The following ZNF777 variants were observed in gnomAD, a reference collection of about 807,000 sequenced individuals.
ZNF777 encodes the protein zinc finger protein 777.
In ZNF777, 7 loss-of-function variants were observed where a neutral mutation model predicts 72.1. The ratio of observed to expected loss-of-function variants is 0.10; its 90% CI spans 0.06 to 0.18. The LOEUF (loss-of-function observed/expected upper bound fraction) is 0.18, where lower values mean the gene tolerates loss of function less well. ZNF777 is among the 10% of genes least tolerant of loss of function. The pLI is 1.00. For synonymous variants in ZNF777, 545 were observed against 483.5 expected, an observed-to-expected ratio of 1.13 and a Z score of -1.67; for missense variants, 828 against 1,128.6, an observed-to-expected ratio of 0.73 and a Z score of 3.82.
chr7:149,431,634 A>G lies in ZNF777; in HGVS notation c.*142T>C, dbSNP rs761781844. ...GTCTCACTGCCCCCATGTCCTTGGG[A>G]GGAGGGACGAGAGGAGAGGGGGAGC... On this transcript the variant is annotated 3_prime_UTR_variant, in exon 6 of 6. Transcript: ENST00000247930. The G allele has an allele frequency of 2.4e-6, 2 of 821,410 alleles. No homozygotes were observed. Among genetic ancestry groups the G allele is most frequent in the Admixed American group, 3.3e-5 (1 of 30,610 alleles). The allele number at this position is 821,410 out of a possible 1,614,324, so 50.9% of individuals were successfully genotyped here.
chr7:149,454,959 C>T (rs1585703702), intron 2 of ZNF777, among the ~76,000 whole-genome samples: 1 of 152,236 alleles, frequency 6.6e-6, no homozygotes, highest in African/African-American at 2.4e-5. Context: ...TGCTGAACAC[C>T]CTTCCAAACT....
In ZNF777 at chr7:149,455,296, T is replaced by A. The variant is rs1291601068; in HGVS notation, c.727A>T (p.Thr243Ser). 4 of 1,613,988 alleles carry A rather than the reference T, an allele frequency of 2.5e-6. No individual in the cohort carries two copies. In the African/African-American group the frequency reaches 4.0e-5, roughly 16 times the overall value. Residue 243 changes from threonine (T) to serine (S), a missense_variant, in exon 2 of 6, where the codon ACC (threonine) becomes TCC (serine). This residue lies in a region of ZNF777 where 76 missense variants were observed against 157.3 expected (regional missense o/e 0.48). Transcript: ENST00000247930. The surrounding 1 kb of genome is among the most constrained non-coding windows in gnomAD (Gnocchi z 4.2). ...AGCAGCCCATACTCCTGCAGCAGGG[T>A]CCCCAACACGACCCACTTGCTCTCC... ...HLESKWVVLG[T>S]LLQEYGLLQR... is the part of the protein sequence containing the mutation.
At chr7:149,448,674 A>G (rs1400238351) in intron 4 of ZNF777, among the ~76,000 whole-genome samples, 1 of 150,218 alleles carries the variant, frequency 6.7e-6, no homozygotes, top group African/African-American at 2.5e-5. Context: ...AGAGACTGAA[A>G]TGATGAACCC....
intron 1 of ZNF777, among the ~76,000 whole-genome samples, chr7:149,456,718 A>G (rs1799839534): frequency 6.6e-6 from 1 of 152,210 alleles, no homozygotes; most frequent in Admixed American, 6.5e-5. Flanking sequence ...TCCAAAAGTG[A>G]GGACATGACA....
At chr7:149,437,760 G>A (rs926834965) in intron 4 of ZNF777, among the ~76,000 whole-genome samples, 1 of 132,380 alleles carries the variant, frequency 7.6e-6, no homozygotes, top group African/African-American at 2.9e-5. Context: ...TGCTTATGTT[G>A]TTATTCTAAA....
At position 149,436,312 on chromosome 7, in the gene ZNF777, G is replaced by A. The variant is rs1181680105; in HGVS notation, c.1339+263C>T. On this transcript the variant is annotated intron_variant, in intron 5 of 5. Transcript: ENST00000247930. The surrounding 1 kb of genome is among the most constrained non-coding windows in gnomAD (Gnocchi z 5.0). ...ATTTAACCTCTGTCTGTAAAATGAG[G>A]GGTGGGATAGGTGAGCTCTGAGATC... 1.3e-5 allele frequency among the ~76,000 whole-genome samples: 2 copies of A among 152,150 alleles called. No individual in the cohort carries two copies. Among genetic ancestry groups the A allele is most frequent in the Non-Finnish European group, 2.9e-5 (2 of 68,016 alleles).
chr7:149,453,134 A>G (rs1188328367), intron 3 of ZNF777, among the ~76,000 whole-genome samples: 1 of 152,240 alleles, frequency 6.6e-6, no homozygotes, highest in Non-Finnish European at 1.5e-5. Context: ...TTATATCTGC[A>G]CATGCAAAAA....
rs57860880 is a variant in ZNF777, at chr7:149,448,579, CTATATATATATATATA to C, written c.1087+2404_1087+2419del. Among the ~76,000 whole-genome samples the C allele has an allele frequency of 4.8e-4, 55 of 115,064 alleles. 1 individual carries two copies. Among genetic ancestry groups the C allele is most frequent in the South Asian group, 2.3e-3 (8 of 3,438 alleles). The allele number at this position is 115,064 out of a possible 152,430, so 75.5% of individuals were successfully genotyped here. A position where few individuals can be genotyped will look rare whatever the true frequency, so the allele number is the denominator to read the frequency against. Reference sequence around the variant, plus strand: ...TATAGTTATATAGTTATACATATAACTATATATATATATATATATATATATATATATAGTAAAGAAT... The same window carrying C: ...TATAGTTATATAGTTATACATATAACTATATATATATATATAGTAAAGAAT... On this transcript the variant is annotated intron_variant, in intron 4 of 5. Coordinates refer to ENST00000247930, the MANE Select transcript of ZNF777 (RefSeq NM_015694.3).
intron 4 of ZNF777, among the ~76,000 whole-genome samples, chr7:149,447,878 GGTT>G (rs1448330309): frequency 1.3e-5 from 2 of 152,128 alleles, no homozygotes; most frequent in African/African-American, 4.8e-5. Context: ...GGGGTGTTTT[GGTT>G]GTTAATGTCA....
In ZNF777 at chr7:149,431,643, G is replaced by A. The variant is rs771960119; in HGVS notation, c.*133C>T. On this transcript the variant is annotated 3_prime_UTR_variant, in exon 6 of 6. Transcript: ENST00000247930. Reference sequence around the variant, plus strand: ...CCCCCATGTCCTTGGGAGGAGGGACGAGAGGAGAGGGGGAGCTCACGGCAA... The same window carrying A: ...CCCCCATGTCCTTGGGAGGAGGGACAAGAGGAGAGGGGGAGCTCACGGCAA... The A allele has an allele frequency of 5.4e-5, 46 of 854,474 alleles. No homozygotes were observed. The highest frequency in any genetic ancestry group is 4.6e-5 in the Non-Finnish European group (29 of 625,978). 52.9% of individuals were successfully genotyped at this position (854,474 alleles called of 1,614,324 possible). A position where few individuals can be genotyped will look rare whatever the true frequency, so the allele number is the denominator to read the frequency against.
chr7:149,432,419 T>C lies in ZNF777; in HGVS notation c.1853A>G (p.Lys618Arg), dbSNP rs1799328051. The C allele has an allele frequency of 6.2e-7, 1 of 1,613,466 alleles. No individual in the cohort carries two copies. The highest frequency in any genetic ancestry group is 8.5e-7 in the Non-Finnish European group (1 of 1,179,926). The change falls in exon 6 of 6, where the codon AAG (lysine) becomes AGG (arginine). Residue 618 changes from lysine to arginine, a missense_variant. Lys to Arg is a conservative substitution (Grantham distance 26). Transcript: ENST00000247930. The part of the protein sequence containing the change: ...GPTFNPKHAL[K>R]PRPKSPSSGS... The stretch of plus-strand genomic sequence containing the variant: ...AGAGCTGGGTGACTTGGGACGCGGC[T>C]TGAGCGCGTGCTTGGGGTTGAACGT...
intron 4 of ZNF777, among the ~76,000 whole-genome samples, chr7:149,437,283 G>A (rs1321595828): frequency 6.6e-6 from 1 of 151,972 alleles, no homozygotes; most frequent in African/African-American, 2.4e-5. Context: ...CCCAGCCAGG[G>A]TTTATTTTAA....
At chr7:149,450,853 C>T in intron 4 of ZNF777, 146 bp downstream of exon 4, 1 of 637,344 alleles carries the variant, frequency 1.6e-6, no homozygotes. Context: ...TCATGGCACT[C>T]CAAAGCAGGT....
rs1166050440 is a variant in ZNF777, at chr7:149,436,708, C to T, written c.1206G>A (p.Glu402=). Residue 402 remains glutamate (E), a synonymous_variant, in exon 5 of 6, where the codon GAG becomes GAA. Transcript: ENST00000247930. This position sits in a 1 kb window ranked among gnomAD's most constrained non-coding sequence, Gnocchi z 5.0. The part of the protein sequence containing the change: ...QVEEHGFQDS[E]LGDPCGEQPD... ...GCTGTTCCCCACAGGGGTCACCCAG[C>T]TCTGAGTCCTGGAAGCCGTGCTCTT... 2 of 1,614,164 alleles carry T rather than the reference C, an allele frequency of 1.2e-6. No individual in the cohort carries two copies. Among genetic ancestry groups the T allele is most frequent in the Non-Finnish European group, 8.5e-7 (1 of 1,180,026 alleles).
At position 149,460,072 on chromosome 7, in the gene ZNF777, G is replaced by A. The variant is rs1799917174; in HGVS notation, c.-16+743C>T. ...CCGCCGAGCCCGGGACACGCAGGCC[G>A]TCCCCGGGGCCCCGAGGCCGCGCGT... On this transcript the variant is annotated intron_variant, in intron 1 of 5. Coordinates refer to ENST00000247930, the MANE Select transcript of ZNF777 (RefSeq NM_015694.3). The surrounding 1 kb of genome is among the most constrained non-coding windows in gnomAD (Gnocchi z 6.1). 10 of 982,244 alleles carry A rather than the reference G, an allele frequency of 1.0e-5. No individual in the cohort carries two copies. Among genetic ancestry groups the A allele is most frequent in the South Asian group, 4.7e-5 (1 of 21,270 alleles). The allele number at this position is 982,244 out of a possible 1,614,324, so 60.8% of individuals were successfully genotyped here.
At chr7:149,456,612 A>C (rs1399009995) in intron 1 of ZNF777, among the ~76,000 whole-genome samples, 1 of 152,128 alleles carries the variant, frequency 6.6e-6, no homozygotes, top group East Asian at 1.9e-4. Context: ...CAGAACTGTT[A>C]ATGTTCTTAA....
chr7:149,457,120 A>G (rs1024790276), intron 1 of ZNF777, among the ~76,000 whole-genome samples: 6 of 152,236 alleles, frequency 3.9e-5, no homozygotes, highest in African/African-American at 1.4e-4. Flanking sequence ...CTAGACCAAC[A>G]TAAAGACTTG....
intron 4 of ZNF777, among the ~76,000 whole-genome samples, chr7:149,437,805 C>CTTTTTTTT (rs898319193): frequency 1.8e-5 from 2 of 108,178 alleles, no homozygotes; most frequent in African/African-American, 7.9e-5. Flanking sequence ...GTTTCTTTTT[C>CTTTTTTTT]TTTTTTTTTT....
chr7:149,445,214 C>T (rs965308759), intron 4 of ZNF777, among the ~76,000 whole-genome samples: 1 of 152,076 alleles, frequency 6.6e-6, no homozygotes, highest in African/African-American at 2.4e-5. Flanking sequence ...AAGCATTACA[C>T]TTTTGTGTCA....
Sources: gnomAD v4.1 joint callset for allele counts (sites outside exome capture counted in the v4.1 genomes callset) on GRCh38, gnomAD v4.1.1 for gene constraint, gnomAD v4.1.1 regional missense constraint, Gnocchi (gnomAD v3.1) non-coding constraint, MANE v1.5 for transcripts, NCBI Gene and HGNC (gene_info 2026-07-23, HGNC 2026-07-21) for gene names.